DPH6: variants seen among roughly 807,000 people sequenced by gnomAD.
The protein encoded by DPH6 is diphthamine biosynthesis 6.
A neutral mutation model predicts 38.2 loss-of-function variants in DPH6; 33 were observed. The ratio of observed to expected loss-of-function variants is 0.86; its 90% CI spans 0.65 to 1.15. The LOEUF (loss-of-function observed/expected upper bound fraction) is 1.15, where lower values mean the gene tolerates loss of function less well. Among genes scored for constraint, DPH6 ranks in the 50% most tolerant of loss-of-function variants. The pLI, the probability that DPH6 is intolerant of heterozygous loss-of-function variation, is 0.00. For missense variants in DPH6, 325 were observed against 320.0 expected (o/e 1.02, Z -0.12); for synonymous variants, 108 against 103.0 (o/e 1.05, Z -0.30).
At chr15:35,198,920 C>CA in the DPH6 span, among the ~76,000 whole-genome samples, 1 of 145,598 alleles carries the variant, frequency 6.9e-6, no homozygotes, top group Non-Finnish European at 1.5e-5. Context: ...TTGTCTTCTT[C>CA]TTTTTTTTTT....
chr15:35,368,360 G>A (rs1246117662), downstream of DPH6, among the ~76,000 whole-genome samples: 1 of 151,862 alleles, frequency 6.6e-6, no homozygotes, highest in Non-Finnish European at 1.5e-5. Flanking sequence ...CTAGGAGCAA[G>A]ACTGAAAAAG....
chr15:35,352,400 A>C (rs894302041), intron 3 of DPH6, among the ~76,000 whole-genome samples: 13 of 152,168 alleles, frequency 8.5e-5, no homozygotes, highest in African/African-American at 2.9e-4. Context: ...CTTTAACATT[A>C]GGTATATCTC....
At chr15:35,361,825 T>C (rs1316979230) in intron 3 of DPH6, among the ~76,000 whole-genome samples, 6 of 152,032 alleles carry the variant, frequency 3.9e-5, no homozygotes, top group Non-Finnish European at 8.8e-5. Flanking sequence ...TGTTTATGCA[T>C]CATTTTCCTG....
intron 6 of DPH6, chr15:35,400,819 G>A (rs2053207362): frequency 2.6e-6 from 2 of 764,684 alleles, no homozygotes; most frequent in Non-Finnish European, 4.8e-6. Flanking sequence ...CACGGACTGT[G>A]TGATAATGAG....
intron 5 of DPH6, among the ~76,000 whole-genome samples, chr15:35,420,582 C>T (rs1274145967): frequency 6.6e-6 from 1 of 152,006 alleles, no homozygotes; most frequent in African/African-American, 2.4e-5. Context: ...AGTGGCACGA[C>T]CTCAGCCCAC....
chr15:35,273,948 G>C (rs1431328125), intron 3 of DPH6, among the ~76,000 whole-genome samples: 1 of 152,114 alleles, frequency 6.6e-6, no homozygotes, highest in Non-Finnish European at 1.5e-5. Flanking sequence ...GTATAGCCAA[G>C]ACAATCCTAA....
In DPH6 at chr15:35,498,974, G is replaced by A. The variant is rs8029686; in HGVS notation, c.312+39300C>T. 9.4e-3 allele frequency among the ~76,000 whole-genome samples: 1,341 copies of A among 143,132 alleles called. 12 individuals carry two copies. Among genetic ancestry groups the A allele is most frequent in the Non-Finnish European group, 0.013 (876 of 66,302 alleles). 93.9% of individuals were successfully genotyped at this position (143,132 alleles called of 152,430 possible). ...AAAAAAAAAAAAAAAAAAGTATCCCGTTATATATGTTAATATATAGGCCTT... is the reference window on the plus strand; with the variant it reads ...AAAAAAAAAAAAAAAAAAGTATCCCATTATATATGTTAATATATAGGCCTT... On this transcript the variant is annotated intron_variant, in intron 3 of 8. Transcript: ENST00000256538.
At chr15:35,175,122 C>G in the DPH6 span, among the ~76,000 whole-genome samples, 1 of 151,930 alleles carries the variant, frequency 6.6e-6, no homozygotes, top group Non-Finnish European at 1.5e-5. Flanking sequence ...TAGGTAATAG[C>G]CTTTTTGTAT....
chr15:35,202,195 C>G, the DPH6 span, among the ~76,000 whole-genome samples: 1 of 151,710 alleles, frequency 6.6e-6, no homozygotes, highest in Non-Finnish European at 1.5e-5. Flanking sequence ...TGTAGACTGT[C>G]TCTGCTATTT....
chr15:35,330,558 T>C (rs1268124920), downstream of DPH6, among the ~76,000 whole-genome samples: 3 of 152,126 alleles, frequency 2.0e-5, no homozygotes, highest in African/African-American at 7.2e-5. Context: ...GGAACAGCTT[T>C]CTGAAAAACT....
At position 35,419,068 on chromosome 15, in the gene DPH6, T is replaced by TACACACACACACACACAC. The variant is rs145718698; in HGVS notation, c.506-8190_506-8173dup. 1.0e-3 allele frequency among the ~76,000 whole-genome samples: 152 copies of TACACACACACACACACAC among 145,042 alleles called. 3 individuals carry two copies. The highest frequency in any genetic ancestry group is 3.5e-3 in the Middle Eastern group (1 of 284). ...CCTTTCAAACTAAAACACACACACA[T>TACACACACACACACACAC]ACACACACACACACACACACACACA... On this transcript the variant is annotated intron_variant, in intron 5 of 8. Coordinates refer to ENST00000256538, the MANE Select transcript of DPH6 (RefSeq NM_080650.4).
chr15:35,191,148 C>T, the DPH6 span, among the ~76,000 whole-genome samples: 1 of 152,096 alleles, frequency 6.6e-6, no homozygotes, highest in African/African-American at 2.4e-5. Context: ...AAGCAAACAA[C>T]AAACAGAAAT....
At chr15:35,335,477 T>C (rs1475807219) in intron 3 of DPH6, among the ~76,000 whole-genome samples, 1 of 152,192 alleles carries the variant, frequency 6.6e-6, no homozygotes, top group Non-Finnish European at 1.5e-5. Context: ...CCCATGCCTA[T>C]GTCCTGAATG....
chr15:35,400,897 G>A (rs1425127123), intron 6 of DPH6: 26 of 977,238 alleles, frequency 2.7e-5, no homozygotes, highest in East Asian at 1.2e-4. Context: ...GGAGGTGGAT[G>A]CAGCCATGAA....
the DPH6 span, among the ~76,000 whole-genome samples, chr15:35,156,387 TA>T: frequency 2.0e-5 from 3 of 152,230 alleles, no homozygotes; most frequent in African/African-American, 7.2e-5. Flanking sequence ...TAGTATGATA[TA>T]AAAAAAGAGT....
intron 7 of DPH6, among the ~76,000 whole-genome samples, chr15:35,380,758 CTT>C (rs1212440715): frequency 6.6e-6 from 1 of 152,092 alleles, no homozygotes; most frequent in Admixed American, 6.6e-5. Context: ...AAACTTATGA[CTT>C]ATTTTTTACC....
At chr15:35,269,645 A>G (rs1216544481) in intron 3 of DPH6, among the ~76,000 whole-genome samples, 1 of 150,940 alleles carries the variant, frequency 6.6e-6, no homozygotes, top group Non-Finnish European at 1.5e-5. Context: ...TCACCATGTT[A>G]GCCAGGATGG....
intron 7 of DPH6, among the ~76,000 whole-genome samples, chr15:35,378,459 C>T (rs1317274963): frequency 1.3e-5 from 2 of 152,186 alleles, no homozygotes; most frequent in Non-Finnish European, 2.9e-5. Flanking sequence ...CCATTTGACG[C>T]AGCAATCCCA....
At chr15:35,307,555 T>C (rs947608349) in intron 3 of DPH6, among the ~76,000 whole-genome samples, 1 of 152,060 alleles carries the variant, frequency 6.6e-6, no homozygotes, top group Non-Finnish European at 1.5e-5. Context: ...ACTAACAAAA[T>C]TGAAATACAG....
Sources: gnomAD v4.1 joint callset for allele counts (sites outside exome capture counted in the v4.1 genomes callset) on GRCh38, gnomAD v4.1.1 for gene constraint, MANE v1.5 for transcripts, NCBI Gene and HGNC (gene_info 2026-07-23, HGNC 2026-07-21) for gene names.